The following CFAP36 variants were observed in gnomAD, a reference collection of about 807,000 sequenced individuals.
The protein encoded by CFAP36 is cilia and flagella associated protein 36, also known as cilia- and flagella-associated protein 36.
In CFAP36, 37 loss-of-function variants were observed where a neutral mutation model predicts 50.5. The ratio of observed to expected loss-of-function variants is 0.73; its 90% CI spans 0.56 to 0.96. The LOEUF (loss-of-function observed/expected upper bound fraction) is 0.96. CFAP36 is among the 50% of genes least tolerant of loss of function. The pLI, the probability that CFAP36 is intolerant of heterozygous loss-of-function variation, is 0.00. For synonymous variants in CFAP36, 138 were observed against 128.2 expected (o/e 1.08, Z -0.52); for missense variants, 407 against 396.2 (o/e 1.03, Z -0.23).
intron 7 of CFAP36, among the ~76,000 whole-genome samples, chr2:55,542,915 C>A (rs12471135): frequency 0.089 from 13,547 of 152,190 alleles, 746 homozygotes; most frequent in South Asian, 0.14. Flanking sequence ...GGAGATTTCC[C>A]TTATTGTCCA....
chr2:55,538,746 C>CTTTT, intron 7 of CFAP36: 1 of 1,253,198 alleles, frequency 8.0e-7, no homozygotes, highest in Non-Finnish European at 1.1e-6. Context: ...CCCATCCCTT[C>CTTTT]TTTTTTTTTT....
At chr2:55,533,661 C>G (rs1684407017) in intron 4 of CFAP36, among the ~76,000 whole-genome samples, 1 of 148,756 alleles carries the variant, frequency 6.7e-6, no homozygotes, top group African/African-American at 2.5e-5. Context: ...TGCCACTGCA[C>G]TCCAGCCTGG....
At chr2:55,520,025 CA>C (rs1684016211) in intron 1 of CFAP36, 109 bp downstream of exon 1, 1 of 965,766 alleles carries the variant, frequency 1.0e-6, no homozygotes, top group African/African-American at 1.6e-5. Context: ...CCCCTGTCTC[CA>C]CCCCTGTCGC....
intron 4 of CFAP36, among the ~76,000 whole-genome samples, chr2:55,531,649 T>C (rs1485800875): frequency 6.6e-6 from 1 of 152,262 alleles, no homozygotes; most frequent in African/African-American, 2.4e-5. Flanking sequence ...CAGTGTCTTA[T>C]GAAGAAATGG....
At chr2:55,538,280 T>C (rs1391856557) in intron 7 of CFAP36, among the ~76,000 whole-genome samples, 2 of 142,912 alleles carry the variant, frequency 1.4e-5, no homozygotes, top group African/African-American at 5.1e-5. Context: ...ATTATAATCC[T>C]TGTTTTTCTT....
At position 55,533,895 on chromosome 2, in the gene CFAP36, C is replaced by T. The variant is rs373802710; in HGVS notation, c.420C>T (p.Thr140=). The change falls in exon 5 of 10, where the codon ACC becomes ACT. Residue 140 remains threonine (T), a synonymous_variant. Transcript: ENST00000349456. ...CAGGTGTATTACCTGACTGCTTAACCGATGGCTCTGATGTGGTCAGTGACC... is the reference window on the plus strand; with the variant it reads ...CAGGTGTATTACCTGACTGCTTAACTGATGGCTCTGATGTGGTCAGTGACC... ...ERNGVLPDCL[T]DGSDVVSDLE... 1.1e-5 allele frequency: 17 copies of T among 1,610,366 alleles called. No homozygotes were observed. The highest frequency in any genetic ancestry group is 3.4e-5 in the Admixed American group (2 of 59,700).
intron 2 of CFAP36, among the ~76,000 whole-genome samples, chr2:55,522,690 T>G (rs1455458915): frequency 5.9e-5 from 9 of 152,118 alleles, no homozygotes; most frequent in Admixed American, 5.9e-4. Context: ...TTCTCTGTGT[T>G]TCCCAGGCTG....
intron 5 of CFAP36, among the ~76,000 whole-genome samples, chr2:55,535,079 G>A (rs1439912188): frequency 6.6e-6 from 1 of 152,192 alleles, no homozygotes; most frequent in Non-Finnish European, 1.5e-5. Context: ...GGTTGTGTTG[G>A]TTGATTGGTG....
intron 4 of CFAP36, 138 bp downstream of exon 4, chr2:55,529,130 T>C (rs1337169049): frequency 1.5e-6 from 1 of 653,738 alleles, no homozygotes; most frequent in African/African-American, 1.9e-5. Context: ...CTTGAGATTT[T>C]AGAGTATATG....
At chr2:55,532,502 AT>A (rs1227200162) in intron 4 of CFAP36, among the ~76,000 whole-genome samples, 1 of 152,180 alleles carries the variant, frequency 6.6e-6, no homozygotes. Context: ...GAGAATAATA[AT>A]TTTATATCTT....
rs1339675334 is a variant in CFAP36 at position 55,545,001 on chromosome 2, A to T, written c.1022A>T (p.Asn341Ile). The T allele has an allele frequency of 3.1e-5, 47 of 1,538,124 alleles. No individual in the cohort carries two copies. Among genetic ancestry groups the T allele is most frequent in the Non-Finnish European group, 3.6e-6 (4 of 1,124,002 alleles). ...LAEKLKEEVI[N>I]K ...GAGAAACTCAAAGAAGAAGTTATTA[A>T]TAAGTAATAATTAAGAACAATTTAA... Residue 341 changes from asparagine (N) to isoleucine (I), a missense_variant, in exon 10 of 10, where the codon AAT becomes ATT. Asn to Ile is a moderately radical substitution (Grantham distance 149). Transcript: ENST00000349456.
chr2:55,533,796 T>C, intron 4 of CFAP36, 77 bp from the exon 5 acceptor site: 1 of 746,284 alleles, frequency 1.3e-6, no homozygotes, highest in Non-Finnish European at 2.2e-6. Flanking sequence ...AACTTGTACT[T>C]AAGGAACGAG....
intron 6 of CFAP36, 93 bp downstream of exon 6, chr2:55,535,856 G>A (rs1574622267): frequency 1.4e-6 from 2 of 1,435,010 alleles, no homozygotes; most frequent in Non-Finnish European, 9.3e-7. Context: ...ATACTTATGT[G>A]GAACTACATA....
At position 55,528,862 on chromosome 2, in the gene CFAP36, A is replaced by G. The variant is rs764873295; in HGVS notation, c.283-16A>G. Reference sequence around the variant, plus strand: ...AAAACTTGAATCTTCATTTCACTTGAGACTTCTTTCCACAGGCCATTTTGC... The same window carrying G: ...AAAACTTGAATCTTCATTTCACTTGGGACTTCTTTCCACAGGCCATTTTGC... On this transcript the variant is annotated splice_polypyrimidine_tract_variant and intron_variant, in intron 3 of 9. Coordinates refer to ENST00000349456, the MANE Select transcript of CFAP36 (RefSeq NM_080667.7). 129 of 1,507,790 alleles carry G rather than the reference A, an allele frequency of 8.6e-5. No individual in the cohort carries two copies. In the Middle Eastern group the frequency reaches 8.7e-4, roughly 10 times the overall value. The allele number at this position is 1,507,790 out of a possible 1,614,324, so 93.4% of individuals were successfully genotyped here. A position where few individuals can be genotyped will look rare whatever the true frequency, so the allele number is the denominator to read the frequency against.
chr2:55,521,201 CTTTTT>C (rs11315249), intron 1 of CFAP36, among the ~76,000 whole-genome samples: 2 of 134,170 alleles, frequency 1.5e-5, no homozygotes, highest in Admixed American at 7.5e-5. Context: ...ATTTGTACTC[CTTTTT>C]TTTTTTTTTT....
In CFAP36 at chr2:55,537,565, A is replaced by G; in HGVS notation, c.620A>G (p.His207Arg). Residue 207 changes from histidine to arginine, a missense_variant, in exon 7 of 10, where the codon CAT becomes CGT. His to Arg is a conservative substitution (Grantham distance 29, BLOSUM62 0). Transcript: ENST00000349456. ...AATAATTCCCAAGGGGATGGTGAACATTTTGCACACCCACCCTCAGGTAAG... is the reference window on the plus strand; with the variant it reads ...AATAATTCCCAAGGGGATGGTGAACGTTTTGCACACCCACCCTCAGGTAAG... The part of the protein sequence containing the change: ...IMNNSQGDGE[H>R]FAHPPSEVKM... The G allele has an allele frequency of 6.2e-7, 1 of 1,612,954 alleles. No homozygotes were observed. Among genetic ancestry groups the G allele is most frequent in the South Asian group, 1.1e-5 (1 of 90,926 alleles).
At chr2:55,532,110 TA>T (rs1235580780) in intron 4 of CFAP36, among the ~76,000 whole-genome samples, 1 of 151,958 alleles carries the variant, frequency 6.6e-6, no homozygotes, top group Non-Finnish European at 1.5e-5. Context: ...GAGGATCGCT[TA>T]AGCCCAGCCT....
At chr2:55,530,884 G>C (rs1684335540) in intron 4 of CFAP36, 1 of 152,164 alleles carries the variant, frequency 6.6e-6, no homozygotes, top group African/African-American at 2.4e-5. Flanking sequence ...TAGTTCAGTT[G>C]TATCGTTGGC....
In CFAP36 at chr2:55,544,282, A is replaced by C. The variant is rs756394401; in HGVS notation, c.840A>C (p.Arg280Ser). Residue 280 changes from arginine to serine, a missense_variant, in exon 9 of 10, where the codon AGA (arginine) becomes AGC (serine). Physicochemically the swap from Arg to Ser is moderately radical, Grantham distance 110. Transcript: ENST00000349456. The stretch of plus-strand genomic sequence containing the variant: ...GAGAACACTATCTCAAGCAGAAGAG[A>C]GATAAGTTGATGTCCATGAGAAAGG... ...RQREHYLKQK[R>S]DKLMSMRKDM... 59 of 1,613,896 alleles carry C rather than the reference A, an allele frequency of 3.7e-5. No homozygotes were observed. The highest frequency in any genetic ancestry group is 4.7e-5 in the Non-Finnish European group (56 of 1,179,956).
Sources: allele counts gnomAD v4.1 joint callset (sites outside exome capture counted in the v4.1 genomes callset), GRCh38; gene constraint gnomAD v4.1.1; transcripts MANE v1.5; gene names NCBI Gene and HGNC (gene_info 2026-07-23, HGNC 2026-07-21).